The following RRP1B variants were observed in gnomAD, a reference collection of about 807,000 sequenced individuals.
The protein encoded by RRP1B is ribosomal RNA processing 1B, also known as ribosomal RNA processing protein 1 homolog B.
A neutral mutation model predicts 80.2 loss-of-function variants in RRP1B; 56 were observed. The observed-to-expected ratio is 0.70, with a 90% CI of 0.56 to 0.87. RRP1B has a LOEUF of 0.87. Ranked by LOEUF, RRP1B falls within the 40% of genes least tolerant of loss-of-function variation. RRP1B has a pLI of 0.00. For missense variants in RRP1B, 807 were observed against 939.8 expected, an observed-to-expected ratio of 0.86 and a Z score of 1.85; for synonymous variants, 351 against 357.6, an observed-to-expected ratio of 0.98 and a Z score of 0.21.
chr21:43,672,952 T>C lies in RRP1B; in HGVS notation c.271+587T>C, dbSNP rs181836593. On this transcript the variant is annotated intron_variant, in intron 3 of 15. Coordinates refer to ENST00000340648, the MANE Select transcript of RRP1B (RefSeq NM_015056.3). ...TGAACAAAATTCTACATATGATGTA[T>C]AATAGATTTACAAAGATGAAAAAAG... is the stretch of plus-strand genomic sequence containing the variant. Among the ~76,000 whole-genome samples the C allele has an allele frequency of 8.5e-4, 129 of 152,284 alleles. 1 individual carries two copies. Among genetic ancestry groups the C allele is most frequent in the African/African-American group, 2.9e-3 (121 of 41,556 alleles).
At chr21:43,660,729 C>T (rs1466645472) in intron 1 of RRP1B, among the ~76,000 whole-genome samples, 2 of 152,152 alleles carry the variant, frequency 1.3e-5, no homozygotes, top group African/African-American at 4.8e-5. Flanking sequence ...CAGGAAAGAG[C>T]TTCACGTGCC....
chr21:43,676,192 G>C (rs2083021743), intron 6 of RRP1B, 80 bp from the exon 7 acceptor site: 7 of 1,042,884 alleles, frequency 6.7e-6, no homozygotes, highest in Middle Eastern at 2.1e-4. Context: ...CTTTGTAAAA[G>C]ATGGGAATGG....
intron 1 of RRP1B, among the ~76,000 whole-genome samples, chr21:43,666,577 G>A (rs989692548): frequency 7.9e-5 from 12 of 152,152 alleles, no homozygotes; most frequent in Non-Finnish European, 1.5e-4. Flanking sequence ...ACTTAGCTGG[G>A]TGCGGTGGCA....
chr21:43,674,586 CTTTTTTTTTTTTTTTTT>C, intron 4 of RRP1B, 33 bp from the exon 5 acceptor site: 3 of 392,162 alleles, frequency 7.6e-6, no homozygotes, highest in Non-Finnish European at 7.6e-6. Flanking sequence ...CTTACCTTTC[CTTTTTTTTTTTTTTTTT>C]TTTTTTTTTA....
intron 1 of RRP1B, 57 bp from the exon 2 acceptor site, chr21:43,669,827 A>G: frequency 7.8e-7 from 1 of 1,283,156 alleles, no homozygotes; most frequent in Admixed American, 2.0e-5. Flanking sequence ...CCACTTTCTA[A>G]ACTTGAAGAA....
chr21:43,680,094 AGTGTTTAGG>A (rs2083037384), intron 8 of RRP1B, among the ~76,000 whole-genome samples: 1 of 151,992 alleles, frequency 6.6e-6, no homozygotes, highest in South Asian at 2.1e-4. Flanking sequence ...TTTTTGGGTG[AGTGTTTAGG>A]GTTTTCTAGG....
chr21:43,671,911 T>A (rs139142932), intron 2 of RRP1B, among the ~76,000 whole-genome samples: 1 of 151,980 alleles, frequency 6.6e-6, no homozygotes, highest in Non-Finnish European at 1.5e-5. Context: ...GGTCTTGAAC[T>A]CCTGACCTCA....
chr21:43,674,533 C>T (rs2083013203), intron 4 of RRP1B, 103 bp from the exon 5 acceptor site: 2 of 811,650 alleles, frequency 2.5e-6, no homozygotes, highest in Non-Finnish European at 1.9e-6. Context: ...CAGGCCATAA[C>T]AATTTCATTG....
intron 6 of RRP1B, among the ~76,000 whole-genome samples, chr21:43,675,720 A>G (rs2083019056): frequency 2.6e-5 from 4 of 152,216 alleles, no homozygotes; most frequent in Admixed American, 2.6e-4. Flanking sequence ...TAGAGGAAGT[A>G]TATGTATGTC....
chr21:43,687,523 A>T lies in RRP1B; in HGVS notation c.1149A>T (p.Arg383Ser). 6.8e-7 allele frequency: 1 copy of T among 1,480,774 alleles called. No individual in the cohort carries two copies. The highest frequency in any genetic ancestry group is 2.3e-5 in the Admixed American group (1 of 43,574). The allele number at this position is 1,480,774 out of a possible 1,614,324, so 91.7% of individuals were successfully genotyped here. A position where few individuals can be genotyped will look rare whatever the true frequency, so the allele number is the denominator to read the frequency against. ...GGGTTTCTGTCTTTTTAGGAAGCAG[A>T]GTCTTTTGTGTAGAGGAAGAGGACA... is the stretch of plus-strand genomic sequence containing the variant. ...KTNLEKEKGS[R>S]VFCVEEEDSE... Residue 383 changes from arginine (R) to serine (S), a missense_variant, in exon 13 of 16, where the codon AGA becomes AGT. By Grantham distance (110) the Arg-to-Ser change is moderately radical (BLOSUM62 -1). Coordinates refer to ENST00000340648, the MANE Select transcript of RRP1B (RefSeq NM_015056.3).
intron 1 of RRP1B, among the ~76,000 whole-genome samples, chr21:43,665,671 A>G (rs9978858): frequency 0.74 from 112,953 of 151,848 alleles, 43,380 homozygotes; most frequent in African/African-American, 0.93. Context: ...TGCCATTCTC[A>G]GGATTAAATG....
chr21:43,688,279 G>GCTGTGTC, intron 13 of RRP1B, 39 bp downstream of exon 13: 1 of 1,485,168 alleles, frequency 6.7e-7, no homozygotes, highest in Non-Finnish European at 9.0e-7. Context: ...CGCCACAGAG[G>GCTGTGTC]CACTCACTCG....
chr21:43,677,086 G>T (rs2083025848), intron 8 of RRP1B, among the ~76,000 whole-genome samples, 172 bp downstream of exon 8: 1 of 152,196 alleles, frequency 6.6e-6, no homozygotes, highest in African/African-American at 2.4e-5. Context: ...CCTGGGGGGT[G>T]CCTAGCGGGG....
intron 13 of RRP1B, among the ~76,000 whole-genome samples, chr21:43,688,831 C>T (rs2083074936): frequency 6.6e-6 from 1 of 152,176 alleles, no homozygotes; most frequent in South Asian, 2.1e-4. Flanking sequence ...GCTGTGTCAC[C>T]CAGGCTGGAG....
chr21:43,659,767 A>C lies in RRP1B; in HGVS notation c.103A>C (p.Ile35Leu), dbSNP rs1017418411. Residue 35 changes from isoleucine (I) to leucine (L), a missense_variant, in exon 1 of 16, where the codon ATC becomes CTC. Physicochemically the swap from Ile to Leu is conservative, Grantham distance 5. Coordinates refer to ENST00000340648, the MANE Select transcript of RRP1B (RefSeq NM_015056.3). This position sits in a 1 kb window ranked among gnomAD's most constrained non-coding sequence, Gnocchi z 4.2. ...DRAVKKLRQY[I>L]SVKTQRETGG... ...AGCGGTGAAGAAGCTGCGCCAGTACATCAGCGTGAAGACGCAGAGGGAGAC... is the reference window on the plus strand; with the variant it reads ...AGCGGTGAAGAAGCTGCGCCAGTACCTCAGCGTGAAGACGCAGAGGGAGAC... 1 of 1,520,012 alleles carries C rather than the reference A, an allele frequency of 6.6e-7. No individual in the cohort carries two copies. The highest frequency in any genetic ancestry group is 1.4e-5 in the African/African-American group (1 of 70,292). 94.2% of individuals were successfully genotyped at this position (1,520,012 alleles called of 1,614,324 possible).
intron 12 of RRP1B, 52 bp downstream of exon 12, chr21:43,686,987 A>G (rs1183568107): frequency 6.3e-7 from 1 of 1,595,260 alleles, no homozygotes; most frequent in Non-Finnish European, 8.5e-7. Flanking sequence ...GGGGAGCGGC[A>G]TGCACCATGG....
Position 43,675,176 on chromosome 21 carries a change from C to G in RRP1B, c.549+13C>G. ...CGGGGGGAAGGAGGTAAGCAGCTGC[C>G]GACAGGCTGCCCACGGGGTGAGGGG... On this transcript the variant is annotated intron_variant, in intron 6 of 15. Coordinates refer to ENST00000340648, the MANE Select transcript of RRP1B (RefSeq NM_015056.3). 1 of 1,612,598 alleles carries G rather than the reference C, an allele frequency of 6.2e-7. No individual in the cohort carries two copies.
Position 43,690,326 on chromosome 21 carries a change from G to A in RRP1B, c.1905G>A (p.Lys635=), listed in dbSNP as rs771491752. The A allele has an allele frequency of 4.1e-5, 66 of 1,614,112 alleles. No homozygotes were observed. In the Middle Eastern group the frequency reaches 4.9e-4, roughly 12 times the overall value. Residue 635 remains lysine (K), a synonymous_variant, in exon 14 of 16, where the codon AAG becomes AAA. Coordinates refer to ENST00000340648, the MANE Select transcript of RRP1B (RefSeq NM_015056.3). ...SGTCSSLKKQ[K]LRAESDFVKF... ...CTTGCAGTTCCCTGAAGAAGCAGAA[G>A]CTGAGGGCAGAGAGCGACTTTGTGA...
At chr21:43,671,091 TGAG>T (rs1320825992) in intron 2 of RRP1B, among the ~76,000 whole-genome samples, 1 of 152,156 alleles carries the variant, frequency 6.6e-6, no homozygotes, top group Non-Finnish European at 1.5e-5. Flanking sequence ...GTCAGACTGA[TGAG>T]GAGTGTGCTT....
Sources: gnomAD v4.1 joint callset for allele counts (sites outside exome capture counted in the v4.1 genomes callset) on GRCh38, gnomAD v4.1.1 for gene constraint, Gnocchi (gnomAD v3.1) non-coding constraint, MANE v1.5 for transcripts, NCBI Gene and HGNC (gene_info 2026-07-23, HGNC 2026-07-21) for gene names.